The following COL4A5 variants were observed in gnomAD, a reference collection of about 807,000 sequenced individuals.
The protein encoded by COL4A5 is collagen type IV alpha 5 chain, also known as collagen alpha-5(IV) chain.
Under a neutral mutation model 130.2 loss-of-function variants are expected in COL4A5, and 26 were observed. That is an observed-to-expected ratio of 0.20 (90% CI 0.15 to 0.28). COL4A5 has a LOEUF of 0.28. COL4A5 is among the 10% of genes least tolerant of loss of function. The probability of loss-of-function intolerance (pLI) is 1.00; values close to 1 mark genes in which losing one functional copy is unlikely to be tolerated. For missense variants in COL4A5, 1,131 were observed against 1,344.3 expected, an observed-to-expected ratio of 0.84 and a Z score of 2.48; for synonymous variants, 496 against 439.6, an observed-to-expected ratio of 1.13 and a Z score of -1.60.
chrX:108,683,184 C>T (rs772070415), intron 47 of COL4A5, among the ~76,000 whole-genome samples: 1 of 111,312 alleles, frequency 9.0e-6, no homozygotes, highest in African/African-American at 3.3e-5. Flanking sequence ...TCAGGTTTGC[C>T]AAATATCAGA....
At chrX:108,642,847 C>CCAA (rs2067499402) in intron 36 of COL4A5, among the ~76,000 whole-genome samples, 2 of 82,114 alleles carry the variant, frequency 2.4e-5, no homozygotes, top group South Asian at 1.1e-3. Context: ...CTCCCCCTCT[C>CCAA]CAAAAAAAAA....
intron 35 of COL4A5, 57 bp downstream of exon 35, chrX:108,625,851 T>C: frequency 1.1e-6 from 1 of 894,680 alleles, no homozygotes; most frequent in Non-Finnish European, 1.6e-6. Flanking sequence ...TGGTTCAATA[T>C]CTCTTTTTTT....
rs759982384 is a variant in COL4A5, at chrX:108,686,110, A to G, written c.4296A>G (p.Pro1432=). 1 of 1,209,432 alleles carries G rather than the reference A, an allele frequency of 8.3e-7. No homozygotes were observed. Among genetic ancestry groups the G allele is most frequent in the Non-Finnish European group, 1.1e-6 (1 of 893,890 alleles). Residue 1432 remains proline (P), a synonymous_variant, in exon 48 of 53, where the codon CCA becomes CCG. Transcript: ENST00000328300. ...GTGCAGGAGGGCGCAAAGGAGACCCAGGTCTGCCAGGACAGCCAGGTAAGA... is the reference window on the plus strand; with the variant it reads ...GTGCAGGAGGGCGCAAAGGAGACCCGGGTCTGCCAGGACAGCCAGGTAAGA... The part of the protein sequence containing the change: ...FDGAGGRKGD[P]GLPGQPGTRG...
At chrX:108,621,496 T>A (rs1279826028) in intron 31 of COL4A5, among the ~76,000 whole-genome samples, 4 of 109,091 alleles carry the variant, frequency 3.7e-5, no homozygotes, top group Non-Finnish European at 7.6e-5. Flanking sequence ...GGCTTGGGAG[T>A]CACACAATGT....
rs2066573530 is a variant in COL4A5 at position 108,598,864 on chromosome X, A to G, written c.1942A>G (p.Ile648Val). Residue 648 changes from isoleucine to valine, a missense_variant, in exon 25 of 53, where the codon ATA becomes GTA. By Grantham distance (29) the Ile-to-Val change is conservative (BLOSUM62 3). Coordinates refer to ENST00000328300, the MANE Select transcript of COL4A5 (RefSeq NM_033380.3). ...GVAGNPGQPG[I>V]PGPKGDPGQT... ...GGCAGGAAATCCAGGCCAGCCAGGA[A>G]TACCAGGTAAGTTTACTGTGTTTTG... is the stretch of plus-strand genomic sequence containing the variant. 4 of 1,209,346 alleles carry G rather than the reference A, an allele frequency of 3.3e-6. No homozygotes were observed. Among genetic ancestry groups the G allele is most frequent in the African/African-American group, 3.5e-5 (2 of 57,167 alleles).
chrX:108,690,328 G>T (rs1161617364), intron 49 of COL4A5, among the ~76,000 whole-genome samples: 1 of 111,426 alleles, frequency 9.0e-6, no homozygotes, highest in Admixed American at 9.5e-5. Context: ...TTCTTAACGA[G>T]TTTTTGAAAG....
chrX:108,579,895 T>C (rs1367657379), intron 13 of COL4A5, among the ~76,000 whole-genome samples: 1 of 111,603 alleles, frequency 9.0e-6, no homozygotes, highest in Admixed American at 9.6e-5. Context: ...ATTTTAAGTG[T>C]TGCCTTGTTA....
At chrX:108,593,555 TTTCACGTTTTGATC>T (rs2066467816) in intron 21 of COL4A5, among the ~76,000 whole-genome samples, 1 of 111,761 alleles carries the variant, frequency 8.9e-6, no homozygotes, top group Non-Finnish European at 1.9e-5. Context: ...TTGTTTTACC[TTTCACGTTTTGATC>T]TTTCTTCAAT....
At position 108,631,414 on chromosome X, in the gene COL4A5, G is replaced by C. The variant is rs971310219; in HGVS notation, c.3246+5065G>C. Among the ~76,000 whole-genome samples, 6 of 110,932 alleles carry C rather than the reference G, an allele frequency of 5.4e-5. No individual in the cohort carries two copies. The East Asian group carries it at 1.7e-3, about 32-fold the overall frequency. ...TCCTAGGTATTTTATTCTTTTTGAAGCAATTGTGAATGGGAGTTCACTCAT... is the reference window on the plus strand; with the variant it reads ...TCCTAGGTATTTTATTCTTTTTGAACCAATTGTGAATGGGAGTTCACTCAT... On this transcript the variant is annotated intron_variant, in intron 36 of 52. Coordinates refer to ENST00000328300, the MANE Select transcript of COL4A5 (RefSeq NM_033380.3).
At position 108,650,360 on chromosome X, in the gene COL4A5, T is replaced by C. The variant is rs1028442485; in HGVS notation, c.3247-4971T>C. Among the ~76,000 whole-genome samples the C allele has an allele frequency of 5.4e-5, 6 of 111,099 alleles. No homozygotes were observed. The East Asian group carries it at 1.7e-3, about 32-fold the overall frequency. ...CTAGTACAGCTACTCTCGAAAAGAG[T>C]GTGGAGATTCCTTAAAGAACTAAAA... On this transcript the variant is annotated intron_variant, in intron 36 of 52. Transcript: ENST00000328300.
chrX:108,539,360 T>C (rs1026597563), intron 1 of COL4A5, among the ~76,000 whole-genome samples: 5 of 112,074 alleles, frequency 4.5e-5, no homozygotes, highest in African/African-American at 1.6e-4. Context: ...GTAAGAATAA[T>C]TAACTTTGAA....
chrX:108,623,816 G>T (rs1173108548), intron 33 of COL4A5, among the ~76,000 whole-genome samples: 1 of 111,873 alleles, frequency 8.9e-6, no homozygotes, highest in Non-Finnish European at 1.9e-5. Context: ...TTTATGGAAT[G>T]ACTTTCTTGG....
chrX:108,563,451 A>C (rs1356474898), intron 3 of COL4A5, among the ~76,000 whole-genome samples: 2 of 111,676 alleles, frequency 1.8e-5, no homozygotes, highest in Admixed American at 1.9e-4. Flanking sequence ...CAGCAAATTC[A>C]AGAACAGCAC....
At chrX:108,670,380 T>C in intron 42 of COL4A5, 144 bp downstream of exon 42, 2 of 1,007,224 alleles carry the variant, frequency 2.0e-6, no homozygotes, top group Non-Finnish European at 2.6e-6. Flanking sequence ...TTTAAGTTTT[T>C]AGGAACTTGT....
At chrX:108,620,205 T>C (rs1020131010) in intron 30 of COL4A5, 54 bp from the exon 31 acceptor site, 3 of 1,026,603 alleles carry the variant, frequency 2.9e-6, no homozygotes, top group Admixed American at 2.2e-5. Context: ...TATAACCAGA[T>C]ACATCTTTTA....
intron 1 of COL4A5, among the ~76,000 whole-genome samples, chrX:108,507,087 G>A (rs1028078830): frequency 1.7e-4 from 19 of 109,402 alleles, no homozygotes; most frequent in African/African-American, 6.3e-4. Flanking sequence ...AGGACCAGGT[G>A]GATTCACAGC....
chrX:108,587,777 A>G (rs983888966), intron 19 of COL4A5, among the ~76,000 whole-genome samples: 1 of 110,856 alleles, frequency 9.0e-6, no homozygotes, highest in Non-Finnish European at 1.9e-5. Context: ...TCCTTGCAGC[A>G]TCTGTTATTT....
At chrX:108,539,203 A>G (rs1269444208) in intron 1 of COL4A5, among the ~76,000 whole-genome samples, 3 of 111,542 alleles carry the variant, frequency 2.7e-5, no homozygotes, top group African/African-American at 9.8e-5. Flanking sequence ...AGAGTTCCTG[A>G]GAGTTTGGAC....
intron 2 of COL4A5, among the ~76,000 whole-genome samples, chrX:108,540,864 T>C (rs1298523913): frequency 8.9e-6 from 1 of 112,493 alleles, no homozygotes; most frequent in Non-Finnish European, 1.9e-5. Context: ...TGAATGACAT[T>C]AATATTATCA....
Sources: gnomAD v4.1 joint callset for allele counts (sites outside exome capture counted in the v4.1 genomes callset) on GRCh38, gnomAD v4.1.1 for gene constraint, MANE v1.5 for transcripts, NCBI Gene and HGNC (gene_info 2026-07-23, HGNC 2026-07-21) for gene names.